Variants in PATL1 observed in about 807,000 individuals in gnomAD.
The protein encoded by PATL1 is PAT1 homolog 1, processing body mRNA decay factor, also known as protein PAT1 homolog 1.
Under a neutral mutation model 100.6 loss-of-function variants are expected in PATL1, and 32 were observed. That is an observed-to-expected ratio of 0.32 (90% CI 0.24 to 0.43). PATL1 has a LOEUF of 0.43. Among genes scored for constraint, PATL1 ranks in the 20% least tolerant of loss-of-function variants. The pLI, the probability that PATL1 is intolerant of heterozygous loss-of-function variation, is 1.00. For synonymous variants in PATL1, 332 were observed against 330.0 expected (o/e 1.01, Z -0.07); for missense variants, 747 against 949.9 (o/e 0.79, Z 2.81).
intron 16 of PATL1, among the ~76,000 whole-genome samples, chr11:59,640,083 T>G (rs1404717542): frequency 6.6e-6 from 1 of 152,238 alleles, no homozygotes; most frequent in Non-Finnish European, 1.5e-5. Flanking sequence ...GGCTCATGCC[T>G]GTAATCCCAG....
intron 14 of PATL1, among the ~76,000 whole-genome samples, chr11:59,648,733 T>C (rs950485054): frequency 3.3e-5 from 5 of 152,226 alleles, no homozygotes; most frequent in Non-Finnish European, 7.3e-5. Context: ...TTTTAATGGC[T>C]GCATAACATC....
rs754003180 is a variant in PATL1 at position 59,656,589 on chromosome 11, C to T, written c.633G>A (p.Pro211=). The T allele has an allele frequency of 4.0e-5, 64 of 1,613,632 alleles. No individual in the cohort carries two copies. Among genetic ancestry groups the T allele is most frequent in the Non-Finnish European group, 4.8e-5 (57 of 1,179,736 alleles). The change falls in exon 6 of 19, where the codon CCG becomes CCA. Residue 211 remains proline (P), a synonymous_variant. Transcript: ENST00000300146. The stretch of plus-strand genomic sequence containing the variant: ...TTGGGGGCCGAACATGGACAGGCTT[C>T]GGACACAGAATCTATCAGGACAAAC... The part of the protein sequence containing the change: ...VPSFTQQILC[P]KPVHVRPPMP...
rs754211869 is a variant in PATL1 at position 59,655,728 on chromosome 11, G to A, written c.826C>T (p.Arg276Trp). 5.0e-6 allele frequency: 8 copies of A among 1,592,324 alleles called. No individual in the cohort carries two copies. The highest frequency in any genetic ancestry group is 2.3e-5 in the East Asian group (1 of 43,926). The change falls in exon 8 of 19, where the codon CGG becomes TGG. Residue 276 changes from arginine to tryptophan, a missense_variant. By Grantham distance (101) the Arg-to-Trp change is moderately radical (BLOSUM62 -3). Coordinates refer to ENST00000300146, the MANE Select transcript of PATL1 (RefSeq NM_152716.3). ...CGTGCAAACTGGCTGGGAGACATCC[G>A]TCCAGGCTGTAGCTACAAAGAGGAA... ...LLGGAQLQPG[R>W]MSPSQFARVP...
chr11:59,648,515 T>TA (rs72322672), intron 14 of PATL1, among the ~76,000 whole-genome samples: 5,379 of 130,120 alleles, frequency 0.041, 334 homozygotes, highest in African/African-American at 0.14. Context: ...AGCAACAGCT[T>TA]AAAAAAAAAA....
chr11:59,666,327 C>T (rs2134764652), intron 2 of PATL1, among the ~76,000 whole-genome samples: 1 of 152,306 alleles, frequency 6.6e-6, no homozygotes, highest in Admixed American at 6.5e-5. Flanking sequence ...ACTTTTCTAA[C>T]TTATGAGTCC....
At chr11:59,660,636 T>A (rs1347138266) in intron 2 of PATL1, among the ~76,000 whole-genome samples, 1 of 152,066 alleles carries the variant, frequency 6.6e-6, no homozygotes, top group Non-Finnish European at 1.5e-5. Context: ...GTGTCTGGAA[T>A]GGAATGAGCA....
In PATL1 at chr11:59,668,856, G is replaced by A. The variant is rs961226806; in HGVS notation, c.15+25C>T. Reference sequence around the variant, plus strand: ...AGAGGGGCGCGGGAGGGAGGGAGGGGTCACTTCCGGTCGCAACAGCTCACC... The same window carrying A: ...AGAGGGGCGCGGGAGGGAGGGAGGGATCACTTCCGGTCGCAACAGCTCACC... On this transcript the variant is annotated intron_variant, in intron 1 of 18. Transcript: ENST00000300146. The A allele has an allele frequency of 6.9e-6, 9 of 1,305,126 alleles. No homozygotes were observed. The African/African-American group carries it at 7.7e-5, about 11-fold the overall frequency. 80.8% of individuals were successfully genotyped at this position (1,305,126 alleles called of 1,614,324 possible).
chr11:59,640,696 G>T (rs1398078293), intron 16 of PATL1, among the ~76,000 whole-genome samples: 1 of 151,324 alleles, frequency 6.6e-6, no homozygotes, highest in Non-Finnish European at 1.5e-5. Flanking sequence ...CTCCAGCCTG[G>T]GTGACAGAGC....
At chr11:59,653,112 T>C in intron 9 of PATL1, 94 bp from the exon 10 acceptor site, 1 of 1,180,850 alleles carries the variant, frequency 8.5e-7, no homozygotes, top group South Asian at 1.8e-5. Flanking sequence ...TTTTTTTTTT[T>C]TTAAAGATTC....
chr11:59,651,665 AT>A (rs1162345825), intron 11 of PATL1, 24 bp from the exon 12 acceptor site: 1 of 1,432,074 alleles, frequency 7.0e-7, no homozygotes. Flanking sequence ...AAAAAAAAAA[AT>A]TCCAACAAAA....
At chr11:59,661,505 C>G (rs1427926756) in intron 2 of PATL1, among the ~76,000 whole-genome samples, 2 of 152,116 alleles carry the variant, frequency 1.3e-5, no homozygotes, top group Non-Finnish European at 2.9e-5. Flanking sequence ...CTTTCTAACC[C>G]ACAAAAAGTA....
intron 15 of PATL1, among the ~76,000 whole-genome samples, chr11:59,644,788 G>A (rs1293368483): frequency 6.6e-6 from 1 of 151,880 alleles, no homozygotes; most frequent in East Asian, 1.9e-4. Context: ...AGGTATGGTG[G>A]CTCATGCCTG....
intron 11 of PATL1, among the ~76,000 whole-genome samples, chr11:59,651,966 G>T (rs1052946170): frequency 6.8e-6 from 1 of 147,740 alleles, no homozygotes; most frequent in East Asian, 2.1e-4. Context: ...TCAGGAGGGT[G>T]AGACATGAGA....
intron 11 of PATL1, 127 bp downstream of exon 11, chr11:59,652,337 G>T: frequency 7.5e-7 from 1 of 1,334,512 alleles, no homozygotes. Flanking sequence ...TAAGAACAAT[G>T]GTACTTTTAA....
chr11:59,650,907 TGAG>T, intron 12 of PATL1, 94 bp from the exon 13 acceptor site: 1 of 852,698 alleles, frequency 1.2e-6, no homozygotes. Flanking sequence ...GACAATACTT[TGAG>T]AAGATAATTG....
intron 8 of PATL1, among the ~76,000 whole-genome samples, chr11:59,654,339 T>G (rs1259112274): frequency 3.9e-5 from 6 of 151,914 alleles, no homozygotes; most frequent in African/African-American, 1.5e-4. Flanking sequence ...TAGCTGGGCA[T>G]GGTAGCAGGC....
intron 1 of PATL1, 31 bp downstream of exon 1, chr11:59,668,850 G>T: frequency 2.3e-6 from 3 of 1,305,876 alleles, no homozygotes; most frequent in Non-Finnish European, 3.1e-6. Context: ...CGGGAGGGAG[G>T]GAGGGGTCAC....
In PATL1 at chr11:59,656,053, A is replaced by G. The variant is rs755054402; in HGVS notation, c.724-8T>C. 3 of 118,580 alleles carry G rather than the reference A, an allele frequency of 2.5e-5. No homozygotes were observed. The highest frequency in any genetic ancestry group is 5.6e-5 in the African/African-American group (1 of 17,912). The allele number at this position is 118,580 out of a possible 1,614,324, so 7.3% of individuals were successfully genotyped here. Reference sequence around the variant, plus strand: ...ACCCAGGAGGGAAGAGTTCTAAGGTAAAAAAAAAAAAAAAAAAAAGAATAT... The same window carrying G: ...ACCCAGGAGGGAAGAGTTCTAAGGTGAAAAAAAAAAAAAAAAAAAGAATAT... On this transcript the variant is annotated splice_region_variant and splice_polypyrimidine_tract_variant and intron_variant, in intron 6 of 18. Transcript: ENST00000300146.
chr11:59,656,384 T>A (rs1861534232), intron 6 of PATL1, 115 bp downstream of exon 6: 1 of 872,580 alleles, frequency 1.1e-6, no homozygotes, highest in Non-Finnish European at 1.8e-6. Flanking sequence ...AAGGAGATTA[T>A]AAAAAATAGG....
Sources: allele counts gnomAD v4.1 joint callset (sites outside exome capture counted in the v4.1 genomes callset), GRCh38; gene constraint gnomAD v4.1.1; transcripts MANE v1.5; gene names NCBI Gene and HGNC (gene_info 2026-07-23, HGNC 2026-07-21).